Variants in PCDHGA2 observed in about 807,000 individuals in gnomAD.
The protein encoded by PCDHGA2 is protocadherin gamma-A2.
Under a neutral mutation model 59.2 loss-of-function variants are expected in PCDHGA2, and 40 were observed. The ratio of observed to expected loss-of-function variants is 0.68; its 90% confidence interval spans 0.52 to 0.88. The LOEUF is 0.88. Ranked by LOEUF, PCDHGA2 falls within the 40% of genes least tolerant of loss-of-function variation. The pLI, the probability that PCDHGA2 is intolerant of heterozygous loss-of-function variation, is 0.00. For missense variants in PCDHGA2, 1,226 were observed against 1,204.0 expected (o/e 1.02, Z -0.27); for synonymous variants, 560 against 526.0 (o/e 1.06, Z -0.89).
At chr5:141,350,579 G>C (rs1172761775) in intron 1 of PCDHGA2, 4 of 1,613,906 alleles carry the variant, frequency 2.5e-6, no homozygotes, top group South Asian at 2.2e-5. Flanking sequence ...CGAAACGGTC[G>C]CTGAAAACCC....
chr5:141,383,020 A>T (rs1778718840), intron 1 of PCDHGA2: 1 of 1,613,730 alleles, frequency 6.2e-7, no homozygotes, highest in African/African-American at 1.3e-5. Context: ...GGAGACGGAC[A>T]AAGGGTCCTT....
chr5:141,413,839 G>T (rs971599906), intron 1 of PCDHGA2: 1 of 1,613,310 alleles, frequency 6.2e-7, no homozygotes, highest in African/African-American at 1.3e-5. Flanking sequence ...CTCCGACGGG[G>T]GTGACCCTCT....
At chr5:141,498,973 GA>G (rs1161965842) in intron 2 of PCDHGA2, among the ~76,000 whole-genome samples, 8 of 11,660 alleles carry the variant, frequency 6.9e-4, no homozygotes, top group Admixed American at 4.8e-3. Flanking sequence ...GGGAGGGAGG[GA>G]AGGAAGGAAG....
At chr5:141,475,760 C>T (rs1480762060) in intron 1 of PCDHGA2, among the ~76,000 whole-genome samples, 1 of 152,286 alleles carries the variant, frequency 6.6e-6, no homozygotes, top group Non-Finnish European at 1.5e-5. Flanking sequence ...TGCACCGATA[C>T]TGGCAAGGCG....
intron 1 of PCDHGA2, chr5:141,422,174 A>G (rs763681065): frequency 5.1e-6 from 8 of 1,564,176 alleles, no homozygotes; most frequent in African/African-American, 2.8e-5. Flanking sequence ...TATAGATTCT[A>G]TGAGATGGAA....
In PCDHGA2 at chr5:141,461,484, T is replaced by C. The variant is rs1171584384; in HGVS notation, c.2425-33323T>C. On this transcript the variant is annotated intron_variant, in intron 1 of 3. Transcript: ENST00000394576. ...GTCCTTTGCCTACTTTTTAATGGGATTGTGTTTTATTTTTCTTGGTGATTT... is the reference window on the plus strand; with the variant it reads ...GTCCTTTGCCTACTTTTTAATGGGACTGTGTTTTATTTTTCTTGGTGATTT... 2.6e-5 allele frequency among the ~76,000 whole-genome samples: 4 copies of C among 152,152 alleles called. No homozygotes were observed. In the East Asian group the frequency reaches 7.7e-4, roughly 29 times the overall value.
chr5:141,472,159 A>G (rs1020175900), intron 1 of PCDHGA2, among the ~76,000 whole-genome samples: 1 of 152,246 alleles, frequency 6.6e-6, no homozygotes, highest in Non-Finnish European at 1.5e-5. Context: ...TTACATAGCT[A>G]CTAGGTGTAA....
chr5:141,478,271 A>G, intron 1 of PCDHGA2: 1 of 1,614,170 alleles, frequency 6.2e-7, no homozygotes, highest in Non-Finnish European at 8.5e-7. Flanking sequence ...CAAAGTTTAC[A>G]AGTGGAAGCA....
At chr5:141,359,917 CT>C in intron 1 of PCDHGA2, 1 of 436,538 alleles carries the variant, frequency 2.3e-6, no homozygotes, top group Non-Finnish European at 4.0e-6. Context: ...GTGCAGTTTC[CT>C]GAGAAAACCT....
chr5:141,424,697 T>C (rs1467404367), intron 1 of PCDHGA2: 4 of 152,342 alleles, frequency 2.6e-5, no homozygotes, highest in South Asian at 4.1e-4. Context: ...GGCTATTTTT[T>C]TGTTCATTTT....
chr5:141,350,907 A>G lies in PCDHGA2; in HGVS notation c.2424+9512A>G, dbSNP rs199920590. 2.9e-4 allele frequency: 472 copies of G among 1,606,482 alleles called. 1 individual carries two copies. Among genetic ancestry groups the G allele is most frequent in the Admixed American group, 4.4e-4 (26 of 59,024 alleles). On this transcript the variant is annotated intron_variant, in intron 1 of 3. Coordinates refer to ENST00000394576, the MANE Select transcript of PCDHGA2 (RefSeq NM_018915.4). ...ATCCTGACTGCCATGGATGGCGGGGACCCGCCTCTAAGCGGCACCACCCAT... is the reference window on the plus strand; with the variant it reads ...ATCCTGACTGCCATGGATGGCGGGGGCCCGCCTCTAAGCGGCACCACCCAT...
intron 1 of PCDHGA2, chr5:141,366,706 G>A (rs202189432): frequency 6.2e-7 from 1 of 1,614,124 alleles, no homozygotes; most frequent in African/African-American, 1.3e-5. Context: ...AGCCTCTTCT[G>A]ATGTCTGATA....
chr5:141,484,699 T>A (rs899065665), intron 1 of PCDHGA2, among the ~76,000 whole-genome samples: 4 of 151,966 alleles, frequency 2.6e-5, no homozygotes, highest in African/African-American at 9.7e-5. Flanking sequence ...GCTGTGGCTG[T>A]TTTCCCCGCC....
In PCDHGA2 at chr5:141,344,692, C is replaced by G. The variant is rs141617509; in HGVS notation, c.2424+3297C>G. 4.4e-4 allele frequency: 715 copies of G among 1,613,986 alleles called. 3 individuals carry two copies. In the African/African-American group the frequency reaches 8.4e-3, roughly 19 times the overall value. Reference sequence around the variant, plus strand: ...CTGGTTGCCTCTGATGGTGGCGACCCTGTCCACTCTGGCAACTTGCACATC... The same window carrying G: ...CTGGTTGCCTCTGATGGTGGCGACCGTGTCCACTCTGGCAACTTGCACATC... On this transcript the variant is annotated intron_variant, in intron 1 of 3. Transcript: ENST00000394576.
rs143779180 is a variant in PCDHGA2, at chr5:141,485,438, C to T, written c.2425-9369C>T. Reference sequence around the variant, plus strand: ...CAGCGGAGCCCTGCTCATCAAGAACCCAATCGACCGAGAGGCACTGTGTGG... The same window carrying T: ...CAGCGGAGCCCTGCTCATCAAGAACTCAATCGACCGAGAGGCACTGTGTGG... On this transcript the variant is annotated intron_variant, in intron 1 of 3. Transcript: ENST00000394576. This position sits in a 1 kb window ranked among gnomAD's most constrained non-coding sequence, Gnocchi z 5.7. 2.9e-5 allele frequency: 47 copies of T among 1,614,052 alleles called. No individual in the cohort carries two copies. The highest frequency in any genetic ancestry group is 4.0e-5 in the African/African-American group (3 of 74,924).
chr5:141,509,298 C>A (rs974744333), intron 3 of PCDHGA2, among the ~76,000 whole-genome samples: 1 of 152,180 alleles, frequency 6.6e-6, no homozygotes, highest in Non-Finnish European at 1.5e-5. Flanking sequence ...AGGGTGGAGG[C>A]AGAGGGAGGC....
chr5:141,341,418 A>G (rs757358627), intron 1 of PCDHGA2, 23 bp downstream of exon 1: 2 of 1,613,748 alleles, frequency 1.2e-6, no homozygotes, highest in African/African-American at 2.7e-5. Context: ...TTCACAACAT[A>G]CGTACTAGCT....
chr5:141,359,990 C>A, intron 1 of PCDHGA2: 3 of 999,454 alleles, frequency 3.0e-6, no homozygotes, highest in South Asian at 4.7e-5. Flanking sequence ...TAGAGGGGAA[C>A]TTCCTGCACA....
rs527630741 is a variant in PCDHGA2, at chr5:141,493,568, G to A, written c.2425-1239G>A. ...TTGGAGATTGAGTTCCCCCAGCTCC[G>A]TTTCCTCCTATCACAATCACTGCAT... is the stretch of plus-strand genomic sequence containing the variant. On this transcript the variant is annotated intron_variant, in intron 1 of 3. Coordinates refer to ENST00000394576, the MANE Select transcript of PCDHGA2 (RefSeq NM_018915.4). This position sits in a 1 kb window ranked among gnomAD's most constrained non-coding sequence, Gnocchi z 4.3. 3.9e-5 allele frequency among the ~76,000 whole-genome samples: 6 copies of A among 152,250 alleles called. No homozygotes were observed. Among genetic ancestry groups the A allele is most frequent in the African/African-American group, 9.6e-5 (4 of 41,550 alleles).
Sources: allele counts gnomAD v4.1 joint callset (sites outside exome capture counted in the v4.1 genomes callset), GRCh38; gene constraint gnomAD v4.1.1; non-coding constraint Gnocchi (gnomAD v3.1); transcripts MANE v1.5; gene names NCBI Gene and HGNC (gene_info 2026-07-23, HGNC 2026-07-21).